Variants in SANBR observed in about 807,000 individuals in gnomAD.
SANBR encodes SANT and BTB domain regulator of CSR.
A neutral mutation model predicts 101.8 loss-of-function variants in SANBR; 77 were observed. The observed-to-expected ratio is 0.76, with a 90% CI of 0.63 to 0.91. SANBR has a LOEUF of 0.91. Among genes scored for constraint, SANBR ranks in the 40% least tolerant of loss-of-function variants. The probability of loss-of-function intolerance (pLI) is 0.00; values close to 1 mark genes in which losing one functional copy is unlikely to be tolerated. For synonymous variants in SANBR, 279 were observed against 274.7 expected (o/e 1.02, Z -0.15); for missense variants, 875 against 853.0 (o/e 1.03, Z -0.32).
At chr2:61,072,019 C>T (rs1216172524) in intron 4 of SANBR, among the ~76,000 whole-genome samples, 1 of 152,078 alleles carries the variant, frequency 6.6e-6, no homozygotes, top group South Asian at 2.1e-4. Flanking sequence ...CTCACTGCAA[C>T]CTCCATCTCC....
intron 10 of SANBR, among the ~76,000 whole-genome samples, chr2:61,090,990 C>T (rs1682725082): frequency 6.6e-6 from 1 of 151,014 alleles, no homozygotes; most frequent in African/African-American, 2.4e-5. Context: ...ATCACTGCAG[C>T]CTCCACCTCC....
chr2:61,133,004 CA>C lies in SANBR; in HGVS notation c.2029-1132del, dbSNP rs1684734367. 1.9e-4 allele frequency among the ~76,000 whole-genome samples: 29 copies of C among 152,296 alleles called. No homozygotes were observed. In the South Asian group the frequency reaches 6.0e-3, roughly 32 times the overall value. ...CAGTGGCTCATGCCTGTAATCCCAG[CA>C]CTTTGGGAGGCCAAGGCGGGTGGAT... On this transcript the variant is annotated intron_variant, in intron 20 of 21. Coordinates refer to the SANBR transcript ENST00000295031.
At chr2:61,097,313 T>G (rs1454581363) in intron 11 of SANBR, among the ~76,000 whole-genome samples, 1 of 152,234 alleles carries the variant, frequency 6.6e-6, no homozygotes, top group Non-Finnish European at 1.5e-5. Flanking sequence ...TGCTGTCTAA[T>G]AGCTTTATTC....
chr2:61,104,460 T>C (rs369264540), intron 13 of SANBR, among the ~76,000 whole-genome samples: 38 of 141,334 alleles, frequency 2.7e-4, no homozygotes, highest in Non-Finnish European at 5.1e-4. Context: ...CCAGCCTGGG[T>C]GACAGAGCAA....
chr2:61,125,351 T>C (rs2104981439), downstream of SANBR, among the ~76,000 whole-genome samples: 1 of 152,352 alleles, frequency 6.6e-6, no homozygotes, highest in Admixed American at 6.5e-5. Context: ...TGTGTGCGTA[T>C]ATGTATTTAG....
downstream of SANBR, among the ~76,000 whole-genome samples, chr2:61,126,268 A>G (rs537589189): frequency 4.6e-5 from 7 of 152,256 alleles, no homozygotes; most frequent in African/African-American, 1.2e-4. Context: ...CTGACATTCA[A>G]TTTATCAGCA....
rs775975619 is a variant in SANBR at position 61,117,486 on chromosome 2, A to G, written c.1885A>G (p.Lys629Glu). The G allele has an allele frequency of 1.2e-6, 2 of 1,613,916 alleles. No individual in the cohort carries two copies. The highest frequency in any genetic ancestry group is 2.2e-5 in the South Asian group (2 of 91,076). Residue 629 changes from lysine to glutamate, a missense_variant, in exon 19 of 22, where the codon AAG becomes GAG. Coordinates refer to ENST00000402291, the MANE Select transcript of SANBR (RefSeq NM_001129993.3). ...SPFVMSMQKN[K>E]WDATRSLRFN... is the part of the protein sequence containing the mutation. The stretch of plus-strand genomic sequence containing the variant: ...CAATAGTATGAGTATGCAGAAGAAT[A>G]AGTGGGATGCCACAAGATCCTTGAG...
rs139929456 is a variant in SANBR, at chr2:61,099,999, G to A, written c.1365+2147G>A. Among the ~76,000 whole-genome samples, 6 of 152,096 alleles carry A rather than the reference G, an allele frequency of 3.9e-5. No individual in the cohort carries two copies. In the East Asian group the frequency reaches 1.2e-3, roughly 29 times the overall value. ...TTTATGGGTTGAGAAGTGAGTGAGA[G>A]ATAAACAAATGGGAACAGTATAAAT... is the stretch of plus-strand genomic sequence containing the variant. On this transcript the variant is annotated intron_variant, in intron 12 of 21. Transcript: ENST00000402291.
chr2:61,116,142 A>G (rs1460690724), intron 17 of SANBR, 72 bp downstream of exon 17: 9 of 1,079,228 alleles, frequency 8.3e-6, no homozygotes, highest in Non-Finnish European at 1.2e-5. Flanking sequence ...GAAAAAAATA[A>G]AAAGAGTAAT....
intron 12 of SANBR, among the ~76,000 whole-genome samples, chr2:61,099,310 TAGAG>T (rs1683179948): frequency 2.6e-5 from 4 of 152,306 alleles, no homozygotes; most frequent in South Asian, 2.1e-4. Flanking sequence ...GAAGTTATCA[TAGAG>T]AGAGCTGATG....
chr2:61,080,554 C>G (rs1397074806), intron 6 of SANBR, among the ~76,000 whole-genome samples: 5 of 152,100 alleles, frequency 3.3e-5, no homozygotes, highest in Admixed American at 2.6e-4. Flanking sequence ...AACCCTGTCT[C>G]TACTAAAAAT....
chr2:61,123,683 A>G lies in SANBR; in HGVS notation c.*1521A>G, dbSNP rs927093062. Reference sequence around the variant, plus strand: ...TCACGACTAGATAAGGAAAAAATATATATGCTCTTTTGATTTTTAACTGAT... The same window carrying G: ...TCACGACTAGATAAGGAAAAAATATGTATGCTCTTTTGATTTTTAACTGAT... On this transcript the variant is annotated 3_prime_UTR_variant, in exon 22 of 22. Transcript: ENST00000402291. 6 of 985,102 alleles carry G rather than the reference A, an allele frequency of 6.1e-6. No homozygotes were observed. In the African/African-American group the frequency reaches 7.0e-5, roughly 11 times the overall value. 61.0% of individuals were successfully genotyped at this position (985,102 alleles called of 1,614,324 possible). A position where few individuals can be genotyped will look rare whatever the true frequency, so the allele number is the denominator to read the frequency against.
chr2:61,122,500 A>G lies in SANBR; in HGVS notation c.*338A>G. The G allele has an allele frequency of 9.7e-7, 1 of 1,030,836 alleles. No homozygotes were observed. The highest frequency in any genetic ancestry group is 1.2e-6 in the Non-Finnish European group (1 of 859,742). 63.9% of individuals were successfully genotyped at this position (1,030,836 alleles called of 1,614,324 possible). A position where few individuals can be genotyped will look rare whatever the true frequency, so the allele number is the denominator to read the frequency against. On this transcript the variant is annotated 3_prime_UTR_variant, in exon 22 of 22. Coordinates refer to ENST00000402291, the MANE Select transcript of SANBR (RefSeq NM_001129993.3). Reference sequence around the variant, plus strand: ...TGTCAGGTAGCCAAGTTTTTTTAAGACCTTAAAAGTTAGGGGAACACAACT... The same window carrying G: ...TGTCAGGTAGCCAAGTTTTTTTAAGGCCTTAAAAGTTAGGGGAACACAACT...
At chr2:61,106,531 T>C (rs370674931) in intron 13 of SANBR, 32 bp from the exon 14 acceptor site, 194 of 1,392,470 alleles carry the variant, frequency 1.4e-4, no homozygotes, top group Non-Finnish European at 1.8e-4. Flanking sequence ...GAAAGTAAAC[T>C]CTTCTCCGTA....
chr2:61,122,270 T>C lies in SANBR; in HGVS notation c.*108T>C. 2 of 1,378,618 alleles carry C rather than the reference T, an allele frequency of 1.5e-6. No homozygotes were observed. The highest frequency in any genetic ancestry group is 1.8e-5 in the South Asian group (1 of 55,062). 85.4% of individuals were successfully genotyped at this position (1,378,618 alleles called of 1,614,324 possible). A position where few individuals can be genotyped will look rare whatever the true frequency, so the allele number is the denominator to read the frequency against. ...AATGACTTCCAACTGTTTTATGTTA[T>C]TATTATTTTAATCCACATAAATCAT... On this transcript the variant is annotated 3_prime_UTR_variant, in exon 22 of 22. Coordinates refer to ENST00000402291, the MANE Select transcript of SANBR (RefSeq NM_001129993.3).
intron 5 of SANBR, among the ~76,000 whole-genome samples, chr2:61,076,461 CA>C (rs11308796): frequency 0.67 from 80,757 of 121,418 alleles, 26,401 homozygotes; most frequent in African/African-American, 0.86. Flanking sequence ...ACTAAAAATA[CA>C]AAAAAAAAAA....
chr2:61,094,638 C>CTTTTTT (rs35061669), intron 11 of SANBR, among the ~76,000 whole-genome samples: 214 of 78,922 alleles, frequency 2.7e-3, no homozygotes, highest in Middle Eastern at 0.012. Context: ...TATTTCTCTT[C>CTTTTTT]TTTTTTTTTT....
At position 61,109,677 on chromosome 2, in the gene SANBR, G is replaced by GTTTTTTTTTTTT. The variant is rs1363427197; in HGVS notation, c.1744+384_1744+385insTTTTTTTTTTTT. On this transcript the variant is annotated intron_variant, in intron 16 of 21. Coordinates refer to ENST00000402291, the MANE Select transcript of SANBR (RefSeq NM_001129993.3). ...TTAGTGGAAAGCATGTTTTTTTTGT[G>GTTTTTTTTTTTT]TTTGTTTTTTTTTTTTTTTTTTTGA... Among the ~76,000 whole-genome samples the GTTTTTTTTTTTT allele has an allele frequency of 2.2e-4, 24 of 109,472 alleles. 1 individual carries two copies. The highest frequency in any genetic ancestry group is 2.9e-4 in the Non-Finnish European group (15 of 51,800). 71.8% of individuals were successfully genotyped at this position (109,472 alleles called of 152,430 possible).
intron 10 of SANBR, among the ~76,000 whole-genome samples, chr2:61,092,214 G>A (rs2104902658): frequency 6.6e-6 from 1 of 152,204 alleles, no homozygotes; most frequent in East Asian, 1.9e-4. Context: ...TACAAACCCT[G>A]CCTCTACTAA....
Sources: allele counts gnomAD v4.1 joint callset (sites outside exome capture counted in the v4.1 genomes callset), GRCh38; gene constraint gnomAD v4.1.1; transcripts MANE v1.5; gene names NCBI Gene and HGNC (gene_info 2026-07-23, HGNC 2026-07-21).